NTRK3: variants seen among roughly 807,000 people sequenced by gnomAD.
NTRK3 encodes neurotrophic receptor tyrosine kinase 3, also known as NT-3 growth factor receptor.
NTRK3 carries 24 observed loss-of-function variants against 91.7 expected under a neutral mutation model. That is an observed-to-expected ratio of 0.26 (90% CI 0.19 to 0.37). The LOEUF is 0.37. NTRK3 is among the 10% of genes least tolerant of loss of function. NTRK3 has a pLI of 1.00. For missense variants in NTRK3, 880 were observed against 1,068.9 expected, an observed-to-expected ratio of 0.82 and a Z score of 2.46; for synonymous variants, 483 against 404.0, an observed-to-expected ratio of 1.20 and a Z score of -2.34.
chr15:88,173,375 C>T (rs552929970), intron 5 of NTRK3, among the ~76,000 whole-genome samples: 3 of 152,158 alleles, frequency 2.0e-5, no homozygotes, highest in Non-Finnish European at 4.4e-5. Context: ...TAATCCTGCC[C>T]GAAATGGGCC....
chr15:88,110,981 T>C (rs2051280559), intron 13 of NTRK3, among the ~76,000 whole-genome samples: 1 of 152,076 alleles, frequency 6.6e-6, no homozygotes, highest in African/African-American at 2.4e-5. Context: ...AGGAGATATT[T>C]AGGTCACAAA....
chr15:88,057,582 C>T (rs568964968), intron 13 of NTRK3, among the ~76,000 whole-genome samples: 6 of 152,208 alleles, frequency 3.9e-5, no homozygotes, highest in Non-Finnish European at 8.8e-5. Flanking sequence ...GGTGGAGCAA[C>T]GGGAAGCTCC....
At chr15:87,995,512 CT>C (rs2075623292) in intron 14 of NTRK3, among the ~76,000 whole-genome samples, 1 of 152,130 alleles carries the variant, frequency 6.6e-6, no homozygotes, top group African/African-American at 2.4e-5. Context: ...ACAAGACACA[CT>C]TGGGGAAGTG....
Position 88,230,890 on chromosome 15 carries a change from G to T in NTRK3, c.248+25016C>A, listed in dbSNP as rs74027914. ...CACAAGAGAAAGCCCATTTCCTGAA[G>T]ACATGCCAGTTGGTTGACGCCCATG... On this transcript the variant is annotated intron_variant, in intron 3 of 18. Transcript: ENST00000394480. 9.4e-3 allele frequency among the ~76,000 whole-genome samples: 1,424 copies of T among 152,298 alleles called. 25 individuals carry two copies. Among genetic ancestry groups the T allele is most frequent in the African/African-American group, 0.032 (1,310 of 41,550 alleles).
chr15:88,239,627 C>T lies in NTRK3; in HGVS notation c.248+16279G>A, dbSNP rs531240117. ...CCAAAGTCAGGAGAGAACCAGGCAC[C>T]ACATCAGGGGTGCAGAGAGAAGAGG... On this transcript the variant is annotated intron_variant, in intron 3 of 18. Coordinates refer to ENST00000394480, the Ensembl canonical transcript of NTRK3. 1.5e-4 allele frequency among the ~76,000 whole-genome samples: 23 copies of T among 152,164 alleles called. No individual in the cohort carries two copies. The South Asian group carries it at 4.8e-3, about 32-fold the overall frequency.
chr15:88,061,623 C>T (rs2046225765), intron 13 of NTRK3, among the ~76,000 whole-genome samples: 1 of 152,264 alleles, frequency 6.6e-6, no homozygotes, highest in African/African-American at 2.4e-5. Context: ...AGGGCGAGGG[C>T]TCACTAAGCC....
At chr15:88,137,912 G>A (rs1049081005) in intron 6 of NTRK3, among the ~76,000 whole-genome samples, 62 of 152,106 alleles carry the variant, frequency 4.1e-4, no homozygotes, top group African/African-American at 8.9e-4. Flanking sequence ...TTAGCCGTGC[G>A]TGGTGGCGCA....
intron 13 of NTRK3, among the ~76,000 whole-genome samples, chr15:88,112,459 G>A (rs1452786558): frequency 2.0e-5 from 3 of 152,190 alleles, no homozygotes; most frequent in Non-Finnish European, 4.4e-5. Flanking sequence ...CTAGAGTCGG[G>A]ATGTGGTTGA....
At chr15:88,173,026 T>C (rs1383922977) in intron 5 of NTRK3, among the ~76,000 whole-genome samples, 1 of 152,156 alleles carries the variant, frequency 6.6e-6, no homozygotes, top group East Asian at 1.9e-4. Flanking sequence ...ATTGAAAATC[T>C]GAAGCTTGGT....
chr15:88,010,540 C>T (rs1184773739), intron 14 of NTRK3, among the ~76,000 whole-genome samples: 2 of 150,472 alleles, frequency 1.3e-5, no homozygotes, highest in Non-Finnish European at 3.0e-5. Flanking sequence ...TGAAACTATG[C>T]TTTTTTTTTG....
At chr15:88,049,979 A>C (rs548665125) in intron 13 of NTRK3, among the ~76,000 whole-genome samples, 99 of 151,868 alleles carry the variant, frequency 6.5e-4, no homozygotes, top group Non-Finnish European at 1.2e-3. Context: ...CTTCACACTC[A>C]ACAATTTTAG....
chr15:87,890,835 G>T (rs1378218134), intron 17 of NTRK3, among the ~76,000 whole-genome samples: 1 of 152,086 alleles, frequency 6.6e-6, no homozygotes, highest in Non-Finnish European at 1.5e-5. Flanking sequence ...GATCCTTTTG[G>T]AGGGCAATGG....
rs1044750482 is a variant in NTRK3, at chr15:88,241,553, A to T, written c.248+14353T>A. Reference sequence around the variant, plus strand: ...TGCTCTGGGCTGGAAAGGAGGAGGGAGGGTGTGCCCTGGTCAGTCTCACCT... The same window carrying T: ...TGCTCTGGGCTGGAAAGGAGGAGGGTGGGTGTGCCCTGGTCAGTCTCACCT... On this transcript the variant is annotated intron_variant, in intron 3 of 18. Coordinates refer to ENST00000394480, the Ensembl canonical transcript of NTRK3. This position sits in a 1 kb window ranked among gnomAD's most constrained non-coding sequence, Gnocchi z 4.3. Among the ~76,000 whole-genome samples the T allele has an allele frequency of 1.3e-5, 2 of 151,994 alleles. No homozygotes were observed. Among genetic ancestry groups the T allele is most frequent in the Non-Finnish European group, 2.9e-5 (2 of 67,960 alleles).
At chr15:87,863,119 G>A (rs567622506) in exon 19 of NTRK3, 2 of 230,960 alleles carry the variant, frequency 8.7e-6, no homozygotes, top group East Asian at 6.1e-5. Flanking sequence ...ATGAAGTCTA[G>A]TGTGTTTCTT....
chr15:88,043,972 T>C (rs2079898912), intron 13 of NTRK3, among the ~76,000 whole-genome samples: 1 of 151,930 alleles, frequency 6.6e-6, no homozygotes, highest in African/African-American at 2.4e-5. Context: ...ACACATGGAG[T>C]CATACCATGG....
At chr15:87,862,866 T>A (rs1014835110) in exon 19 of NTRK3, 1 of 230,446 alleles carries the variant, frequency 4.3e-6, no homozygotes, top group Non-Finnish European at 8.6e-6. Context: ...CCAAAATGAA[T>A]AACAGCAGCA....
Position 88,127,268 on chromosome 15 carries a change from CG to C in NTRK3, c.1229-43del, listed in dbSNP as rs774566891. 14 of 1,574,684 alleles carry C rather than the reference CG, an allele frequency of 8.9e-6. No individual in the cohort carries two copies. The South Asian group carries it at 1.6e-4, about 18-fold the overall frequency. ...AAAAGGAGGAGGACAGTTAGCTTCC[CG>C]GCTGGGGAGGCTCAGCCACAGTCCC... On this transcript the variant is annotated intron_variant, in intron 11 of 18. Transcript: ENST00000394480.
chr15:88,133,070 G>A (rs541795530), intron 10 of NTRK3, among the ~76,000 whole-genome samples: 14 of 152,238 alleles, frequency 9.2e-5, no homozygotes, highest in Admixed American at 3.3e-4. Flanking sequence ...CTCTGATTCC[G>A]TAGATGTGAG....
chr15:88,032,864 C>G (rs536939921), exon 14 of NTRK3: 1 of 1,613,710 alleles, frequency 6.2e-7, no homozygotes, highest in South Asian at 1.1e-5. Context: ...TACACGTGTC[C>G]GGCTTGTGGC....
Sources: allele counts gnomAD v4.1 joint callset (sites outside exome capture counted in the v4.1 genomes callset), GRCh38; gene constraint gnomAD v4.1.1; non-coding constraint Gnocchi (gnomAD v3.1); transcripts MANE v1.5; gene names NCBI Gene and HGNC (gene_info 2026-07-23, HGNC 2026-07-21).